TENM3: variants seen among roughly 807,000 people sequenced by gnomAD.
TENM3 encodes teneurin-3.
Under a neutral mutation model 255.1 loss-of-function variants are expected in TENM3, and 63 were observed. That is an observed-to-expected ratio of 0.25 (90% CI 0.20 to 0.30). The LOEUF is 0.30. Ranked by LOEUF, TENM3 falls within the 10% of genes least tolerant of loss-of-function variation. The pLI is 1.00. For missense variants in TENM3, 2,929 were observed against 3,461.1 expected, an observed-to-expected ratio of 0.85 and a Z score of 3.86; for synonymous variants, 1,306 against 1,322.3, an observed-to-expected ratio of 0.99 and a Z score of 0.27.
chr4:181,486,868 C>T, the TENM3 span, among the ~76,000 whole-genome samples: 1 of 152,120 alleles, frequency 6.6e-6, no homozygotes, highest in Non-Finnish European at 1.5e-5. Flanking sequence ...GCATCTGGTA[C>T]ATGTTAATGA....
At chr4:181,724,016 A>G in the TENM3 span, among the ~76,000 whole-genome samples, 4 of 152,208 alleles carry the variant, frequency 2.6e-5, no homozygotes, top group African/African-American at 9.7e-5. Flanking sequence ...TGGAAGAGAG[A>G]ATGAGCAGAT....
rs80169926 is a variant in TENM3, at chr4:182,349,293, G to A, written c.511+2364G>A. On this transcript the variant is annotated intron_variant, in intron 3 of 27. Coordinates refer to ENST00000511685, the MANE Select transcript of TENM3 (RefSeq NM_001080477.4). ...CAGTTTAAAGAAAGAAACAAAAGAGGAAATAAAATAGATACGTTGTCTTAA... is the reference window on the plus strand; with the variant it reads ...CAGTTTAAAGAAAGAAACAAAAGAGAAAATAAAATAGATACGTTGTCTTAA... Among the ~76,000 whole-genome samples the A allele has an allele frequency of 9.9e-3, 1,514 of 152,192 alleles. 9 individuals are homozygous for A. The highest frequency in any genetic ancestry group is 0.017 in the Middle Eastern group (5 of 294).
Position 182,161,829 on chromosome 4 carries a change from A to ATATATGTG in TENM3, c.-76+17080_-76+17081insGTGTATAT, listed in dbSNP as rs1751312754. The stretch of plus-strand genomic sequence containing the variant: ...CACATATATATGTATATATATACAC[A>ATATATGTG]TATATATGTGTATATATACACAAAT... On this transcript the variant is annotated intron_variant, in intron 1 of 2. Transcript: ENST00000512480. 3.4e-4 allele frequency among the ~76,000 whole-genome samples: 8 copies of ATATATGTG among 23,522 alleles called. 2 individuals carry two copies. Among genetic ancestry groups the ATATATGTG allele is most frequent in the African/African-American group, 1.3e-3 (7 of 5,442 alleles). The allele number at this position is 23,522 out of a possible 152,430, so 15.4% of individuals were successfully genotyped here. A position where few individuals can be genotyped will look rare whatever the true frequency, so the allele number is the denominator to read the frequency against.
At chr4:182,494,646 T>C (rs1735598031) in intron 3 of TENM3, among the ~76,000 whole-genome samples, 1 of 152,208 alleles carries the variant, frequency 6.6e-6, no homozygotes, top group South Asian at 2.1e-4. Flanking sequence ...TACATTCCCT[T>C]GAAATAATTT....
chr4:182,244,586 A>G (rs1464919168), intron 1 of TENM3, among the ~76,000 whole-genome samples: 1 of 152,128 alleles, frequency 6.6e-6, no homozygotes, highest in East Asian at 1.9e-4. Context: ...CTGGCTCCTA[A>G]ACTGATGGAC....
chr4:182,307,388 G>A (rs768156702), intron 1 of TENM3, among the ~76,000 whole-genome samples: 7 of 152,180 alleles, frequency 4.6e-5, no homozygotes, highest in Non-Finnish European at 8.8e-5. Context: ...TGAGCACAAA[G>A]AACCCTTCTA....
In TENM3 at chr4:182,792,638, G is replaced by A. The variant is rs1315644753; in HGVS notation, c.5966G>A (p.Cys1989Tyr). 2 of 1,613,928 alleles carry A rather than the reference G, an allele frequency of 1.2e-6. No homozygotes were observed. The highest frequency in any genetic ancestry group is 3.3e-5 in the Admixed American group (2 of 60,026). ...AACCTCCAGAGTGATGGTTTTATTT[G>A]CACCATTAGATACAGGCAAATTGGT... ...TVNLQSDGFI[C>Y]TIRYRQIGPL... The change falls in exon 26 of 28, where the codon TGC becomes TAC. Residue 1989 changes from cysteine to tyrosine, a missense_variant. Physicochemically the swap from Cys to Tyr is radical, Grantham distance 194 (BLOSUM62 -2). Transcript: ENST00000511685. This position sits in a 1 kb window ranked among gnomAD's most constrained non-coding sequence, Gnocchi z 6.3.
At chr4:182,670,283 T>C (rs28564408) in intron 6 of TENM3, among the ~76,000 whole-genome samples, 2,106 of 152,306 alleles carry the variant, frequency 0.014, 54 homozygotes, top group African/African-American at 0.048. Flanking sequence ...TATAACTCAA[T>C]TTGGAAATTT....
At chr4:181,560,274 G>A in the TENM3 span, among the ~76,000 whole-genome samples, 1 of 152,092 alleles carries the variant, frequency 6.6e-6, no homozygotes, top group Admixed American at 6.6e-5. Flanking sequence ...CCCTTCACAG[G>A]GGCCCACCCT....
the TENM3 span, among the ~76,000 whole-genome samples, chr4:181,905,068 G>A: frequency 6.6e-6 from 1 of 152,114 alleles, no homozygotes; most frequent in Non-Finnish European, 1.5e-5. Context: ...AGTCAAAAAA[G>A]TCAAAAAGGT....
chr4:181,887,253 A>ATTT, the TENM3 span, among the ~76,000 whole-genome samples: 297 of 148,524 alleles, frequency 2.0e-3, no homozygotes, highest in African/African-American at 6.8e-3. Flanking sequence ...TACCTGTGTG[A>ATTT]TTTTTTTTTT....
the TENM3 span, among the ~76,000 whole-genome samples, chr4:181,605,561 A>AGAAAGAAG: frequency 1.0e-4 from 3 of 29,998 alleles, no homozygotes; most frequent in Admixed American, 5.0e-4. Flanking sequence ...AAAGAAAGAA[A>AGAAAGAAG]GAAAGAAAGA....
intron 3 of TENM3, among the ~76,000 whole-genome samples, chr4:182,426,850 T>C (rs1452795947): frequency 3.9e-5 from 6 of 152,176 alleles, no homozygotes; most frequent in Non-Finnish European, 8.8e-5. Flanking sequence ...TCCCAGTCTT[T>C]CCAGACAGAA....
chr4:182,288,245 A>T (rs1444416567), intron 1 of TENM3, among the ~76,000 whole-genome samples: 1 of 151,640 alleles, frequency 6.6e-6, no homozygotes, highest in Admixed American at 6.6e-5. Flanking sequence ...CTATTTATTT[A>T]TTTTTAATAG....
chr4:182,125,188 CCCCTGCTGGG>C, the TENM3 span, among the ~76,000 whole-genome samples: 1 of 135,142 alleles, frequency 7.4e-6, no homozygotes, highest in East Asian at 2.3e-4. Context: ...GTGCTACTCG[CCCCTGCTGGG>C]ATGGTGAATC....
At chr4:181,922,466 G>T in the TENM3 span, among the ~76,000 whole-genome samples, 1 of 152,004 alleles carries the variant, frequency 6.6e-6, no homozygotes, top group Non-Finnish European at 1.5e-5. Flanking sequence ...GTCTTGGGAG[G>T]GTGTATGTGT....
the TENM3 span, among the ~76,000 whole-genome samples, chr4:181,904,977 T>C: frequency 6.6e-6 from 1 of 152,176 alleles, no homozygotes; most frequent in Non-Finnish European, 1.5e-5. Flanking sequence ...CTGCCATCCA[T>C]GTAAGATGTG....
intron 3 of TENM3, among the ~76,000 whole-genome samples, chr4:182,467,079 C>CT (rs994405372): frequency 5.3e-5 from 8 of 151,982 alleles, no homozygotes; most frequent in Non-Finnish European, 1.0e-4. Context: ...AGTTTTTATG[C>CT]TTTTTTTATT....
chr4:181,859,725 T>C, the TENM3 span, among the ~76,000 whole-genome samples: 4 of 152,218 alleles, frequency 2.6e-5, no homozygotes, highest in Non-Finnish European at 5.9e-5. Flanking sequence ...TAATGCTTTT[T>C]AAAAGCTTGA....
Sources: allele counts gnomAD v4.1 joint callset (sites outside exome capture counted in the v4.1 genomes callset), GRCh38; gene constraint gnomAD v4.1.1; non-coding constraint Gnocchi (gnomAD v3.1); transcripts MANE v1.5; gene names NCBI Gene and HGNC (gene_info 2026-07-23, HGNC 2026-07-21).